The following UHRF1 variants were observed in gnomAD, a reference collection of about 807,000 sequenced individuals.
UHRF1 encodes E3 ubiquitin-protein ligase UHRF1.
In UHRF1, 9 loss-of-function variants were observed where a neutral mutation model predicts 96.5. The ratio of observed to expected loss-of-function variants is 0.09; its 90% CI spans 0.06 to 0.16. The LOEUF (loss-of-function observed/expected upper bound fraction) is 0.16, where lower values mean the gene tolerates loss of function less well. UHRF1 is among the 10% of genes least tolerant of loss of function. The pLI is 1.00. For missense variants in UHRF1, 626 were observed against 1,131.1 expected, an observed-to-expected ratio of 0.55 and a Z score of 6.40; for synonymous variants, 455 against 469.9, an observed-to-expected ratio of 0.97 and a Z score of 0.41.
rs1401713698 is a variant in UHRF1, at chr19:4,917,074, G to T, written c.153+6036G>T. On this transcript the variant is annotated intron_variant, in intron 2 of 16. Transcript: ENST00000650932. ...GGTAGGAAGTGGGCAGCTCGGTGGG[G>T]GGGGGGGGTGCAGTGAGCTTTTAGT... Among the ~76,000 whole-genome samples, 63 of 151,690 alleles carry T rather than the reference G, an allele frequency of 4.2e-4. 2 individuals are homozygous for T. Among genetic ancestry groups the T allele is most frequent in the Non-Finnish European group, 4.4e-5 (3 of 67,876 alleles).
chr19:4,954,677 C>G lies in UHRF1; in HGVS notation c.1985C>G (p.Pro662Arg). The G allele has an allele frequency of 6.2e-7, 1 of 1,613,060 alleles. No homozygotes were observed. The stretch of plus-strand genomic sequence containing the variant: ...GGTGGCCCGAGCAGGGCCGGGTCCC[C>G]GCGCCGGACATCCAAGAAAACCAAG... The part of the protein sequence containing the change: ...AGGGPSRAGS[P>R]RRTSKKTKVE... Residue 662 changes from proline (P) to arginine (R), a missense_variant, in exon 15 of 17, where the codon CCG becomes CGG. By Grantham distance (103) the Pro-to-Arg change is moderately radical. Coordinates refer to ENST00000650932, the MANE Select transcript of UHRF1 (RefSeq NM_001048201.3). This position sits in a 1 kb window ranked among gnomAD's most constrained non-coding sequence, Gnocchi z 5.9.
chr19:4,916,566 C>T (rs1004879061), intron 2 of UHRF1, among the ~76,000 whole-genome samples: 1 of 152,134 alleles, frequency 6.6e-6, no homozygotes, highest in Non-Finnish European at 1.5e-5. Flanking sequence ...CCGGCCGGGT[C>T]GAAGGGCAGA....
chr19:4,960,142 G>A (rs575682024), intron 16 of UHRF1, among the ~76,000 whole-genome samples: 14 of 152,270 alleles, frequency 9.2e-5, no homozygotes, highest in South Asian at 4.2e-4. Context: ...CATGAGCCAC[G>A]ATGCTTGGCC....
At chr19:4,945,558 C>T (rs909602155) in intron 9 of UHRF1, among the ~76,000 whole-genome samples, 3 of 152,042 alleles carry the variant, frequency 2.0e-5, no homozygotes, top group East Asian at 1.9e-4. Flanking sequence ...CGTGCCTGGC[C>T]GTCACCCCCC....
chr19:4,949,753 C>A (rs959753336), intron 11 of UHRF1, among the ~76,000 whole-genome samples: 1 of 152,140 alleles, frequency 6.6e-6, no homozygotes, highest in Non-Finnish European at 1.5e-5. Flanking sequence ...GGGAGGATGG[C>A]TTGAGCCCAG....
intron 16 of UHRF1, among the ~76,000 whole-genome samples, chr19:4,959,392 C>T (rs992587439): frequency 2.6e-5 from 4 of 152,190 alleles, no homozygotes; most frequent in African/African-American, 7.2e-5. Flanking sequence ...GCTGTGGTCA[C>T]CAGGCCTCTC....
chr19:4,907,173 G>C (rs1024186072), upstream of UHRF1, among the ~76,000 whole-genome samples: 1 of 152,150 alleles, frequency 6.6e-6, no homozygotes, highest in Non-Finnish European at 1.5e-5. Context: ...ACACTGGCTC[G>C]ATCTTGGCTC....
chr19:4,912,991 T>G (rs2032343060), intron 2 of UHRF1, among the ~76,000 whole-genome samples: 1 of 152,142 alleles, frequency 6.6e-6, no homozygotes, highest in South Asian at 2.1e-4. Context: ...TGGGCTCAAG[T>G]GACCCTCCTG....
At chr19:4,910,650 C>T (rs2032230919) in intron 1 of UHRF1, 3 of 409,770 alleles carry the variant, frequency 7.3e-6, no homozygotes, top group Non-Finnish European at 1.3e-5. Flanking sequence ...TTTCATTCTC[C>T]TTCCTCCTCA....
intron 2 of UHRF1, among the ~76,000 whole-genome samples, chr19:4,915,329 G>A (rs2602708): frequency 0.64 from 97,612 of 152,076 alleles, 31,620 homozygotes; most frequent in East Asian, 0.86. Context: ...CTCTGTTAGG[G>A]TGACTCACCA....
chr19:4,908,427 C>G (rs1045266268), upstream of UHRF1, among the ~76,000 whole-genome samples: 13 of 152,078 alleles, frequency 8.5e-5, no homozygotes, highest in African/African-American at 3.1e-4. Context: ...TCCCCGGTGG[C>G]CTTCAAGGTA....
chr19:4,946,616 T>G (rs553022714), intron 10 of UHRF1, among the ~76,000 whole-genome samples: 1 of 151,898 alleles, frequency 6.6e-6, no homozygotes, highest in Non-Finnish European at 1.5e-5. Context: ...CGAGTCTCAT[T>G]CTGGCTGGAG....
intron 2 of UHRF1, among the ~76,000 whole-genome samples, chr19:4,914,115 C>T (rs187987396): frequency 3.8e-4 from 58 of 152,004 alleles, no homozygotes; most frequent in Admixed American, 2.5e-3. Flanking sequence ...TGTGAACCGT[C>T]GCATCCGGCC....
intron 1 of UHRF1, chr19:4,910,362 G>T (rs1167785768): frequency 6.6e-6 from 1 of 151,684 alleles, no homozygotes; most frequent in African/African-American, 2.4e-5. Context: ...CAAGGAGGGG[G>T]GGCGTGGGCA....
intron 2 of UHRF1, among the ~76,000 whole-genome samples, chr19:4,917,358 G>T (rs1421358420): frequency 6.6e-6 from 1 of 151,588 alleles, no homozygotes; most frequent in African/African-American, 2.4e-5. Flanking sequence ...GCCTTTAAGG[G>T]AGACAGGGTC....
Position 4,920,291 on chromosome 19 carries a change from GT to G in UHRF1, c.154-8930del, listed in dbSNP as rs1295815888. ...TACCAAAGATACAAAGATTAGCTGGGTATGCTGGCATGTGCCTGTACTCTCA... is the reference window on the plus strand; with the variant it reads ...TACCAAAGATACAAAGATTAGCTGGGATGCTGGCATGTGCCTGTACTCTCA... On this transcript the variant is annotated intron_variant, in intron 2 of 16. Coordinates refer to ENST00000650932, the MANE Select transcript of UHRF1 (RefSeq NM_001048201.3). 4.6e-5 allele frequency among the ~76,000 whole-genome samples: 7 copies of G among 152,186 alleles called. No homozygotes were observed. The South Asian group carries it at 1.2e-3, about 27-fold the overall frequency.
intron 4 of UHRF1, among the ~76,000 whole-genome samples, chr19:4,932,476 C>T (rs930249043): frequency 2.0e-5 from 3 of 152,200 alleles, no homozygotes; most frequent in African/African-American, 7.2e-5. Flanking sequence ...CTACAAAGAC[C>T]CTGTTTCCAA....
intron 5 of UHRF1, among the ~76,000 whole-genome samples, chr19:4,933,164 C>T (rs2033110233): frequency 1.3e-5 from 2 of 152,236 alleles, no homozygotes; most frequent in South Asian, 4.1e-4. Flanking sequence ...CTGAGTGCCT[C>T]TGCCCAGGGA....
rs1740731899 is a variant in UHRF1 at position 4,932,765 on chromosome 19, G to C, written c.594G>C (p.Gln198His). 2.5e-6 allele frequency: 4 copies of C among 1,613,898 alleles called. No homozygotes were observed. The highest frequency in any genetic ancestry group is 3.4e-6 in the Non-Finnish European group (4 of 1,179,890). ...YDDYPENGVVQMNSRDVRARA... is the reference protein window; with the variant it reads ...YDDYPENGVVHMNSRDVRARA... ...GCTACCCGGAGAACGGCGTGGTCCA[G>C]ATGAACTCCAGGGACGTCCGAGCGC... The change falls in exon 5 of 17, where the codon CAG (glutamine) becomes CAC (histidine). Residue 198 changes from glutamine (Q) to histidine (H), a missense_variant. By Grantham distance (24) the Gln-to-His change is conservative (BLOSUM62 0). Around this residue, in one of 11 missense-constraint regions of UHRF1, gnomAD observed 198 missense variants for 235.1 expected, o/e 0.84. Transcript: ENST00000650932.
Sources: allele counts gnomAD v4.1 joint callset (sites outside exome capture counted in the v4.1 genomes callset), GRCh38; gene constraint gnomAD v4.1.1; regional missense constraint gnomAD v4.1.1; non-coding constraint Gnocchi (gnomAD v3.1); transcripts MANE v1.5; gene names NCBI Gene and HGNC (gene_info 2026-07-23, HGNC 2026-07-21).